BMPR1A: variants seen among roughly 807,000 people sequenced by gnomAD.
The protein encoded by BMPR1A is bone morphogenetic protein receptor type 1A.
Under a neutral mutation model 66.0 loss-of-function variants are expected in BMPR1A, and 7 were observed. The observed-to-expected ratio is 0.11, with a 90% CI of 0.06 to 0.20. The LOEUF is 0.20. Ranked by LOEUF, BMPR1A falls within the 10% of genes least tolerant of loss-of-function variation. BMPR1A has a pLI of 1.00. For missense variants in BMPR1A, 408 were observed against 669.1 expected, an observed-to-expected ratio of 0.61 and a Z score of 4.31; for synonymous variants, 200 against 229.7, an observed-to-expected ratio of 0.87 and a Z score of 1.17.
intron 7 of BMPR1A, among the ~76,000 whole-genome samples, chr10:86,903,996 T>C (rs1480744249): frequency 6.6e-6 from 1 of 152,208 alleles, no homozygotes; most frequent in East Asian, 1.9e-4. Context: ...CTCCACCTGC[T>C]GGGTTCAAGC....
intron 2 of BMPR1A, among the ~76,000 whole-genome samples, chr10:86,864,844 A>T (rs925826010): frequency 4.0e-5 from 6 of 151,528 alleles, no homozygotes; most frequent in South Asian, 2.1e-4. Context: ...TCTTCTAACA[A>T]TCCCACAATA....
chr10:86,784,980 C>T (rs926743265), intron 1 of BMPR1A, among the ~76,000 whole-genome samples: 6 of 152,056 alleles, frequency 3.9e-5, no homozygotes, highest in African/African-American at 1.4e-4. Flanking sequence ...CTATAAACTT[C>T]CCTCTTAGCA....
At chr10:86,848,608 C>G (rs1244297721) in intron 2 of BMPR1A, among the ~76,000 whole-genome samples, 1 of 152,062 alleles carries the variant, frequency 6.6e-6, no homozygotes, top group African/African-American at 2.4e-5. Context: ...ACTACCTTTT[C>G]TTCCTGCCTT....
intron 10 of BMPR1A, 101 bp from the exon 11 acceptor site, chr10:86,921,419 C>T: frequency 6.8e-7 from 1 of 1,479,106 alleles, no homozygotes; most frequent in South Asian, 1.2e-5. Flanking sequence ...TGCATCTGGC[C>T]CCAAGGAGAA....
chr10:86,859,504 T>G (rs1218342926), intron 2 of BMPR1A, among the ~76,000 whole-genome samples: 1 of 151,952 alleles, frequency 6.6e-6, no homozygotes, highest in Non-Finnish European at 1.5e-5. Context: ...TTGCCTGCAA[T>G]ATGAAGAGAT....
intron 1 of BMPR1A, among the ~76,000 whole-genome samples, chr10:86,787,726 T>G: frequency 6.6e-6 from 1 of 152,190 alleles, no homozygotes; most frequent in South Asian, 2.1e-4. Context: ...GAGGCATGGC[T>G]GGAGAGGCCT....
At chr10:86,765,989 C>CTTTTT (rs67035271) in intron 1 of BMPR1A, among the ~76,000 whole-genome samples, 4 of 131,798 alleles carry the variant, frequency 3.0e-5, no homozygotes, top group Non-Finnish European at 4.8e-5. Context: ...TTTCCTCATT[C>CTTTTT]TTTTTTTTTT....
intron 3 of BMPR1A, among the ~76,000 whole-genome samples, chr10:86,888,698 G>A (rs923902271): frequency 1.3e-5 from 2 of 151,956 alleles, no homozygotes; most frequent in Non-Finnish European, 2.9e-5. Context: ...ATGGTGGCAT[G>A]TGCCCTTGGT....
chr10:86,798,433 A>G (rs1412744730), intron 1 of BMPR1A, among the ~76,000 whole-genome samples: 1 of 152,214 alleles, frequency 6.6e-6, no homozygotes, highest in Admixed American at 6.5e-5. Context: ...AATTACTTAA[A>G]TGTTCCTTGA....
chr10:86,900,058 G>C lies in BMPR1A; in HGVS notation c.462G>C (p.Leu154=). 6.2e-7 allele frequency: 1 copy of C among 1,614,112 alleles called. No individual in the cohort carries two copies. The highest frequency in any genetic ancestry group is 1.3e-5 in the African/African-American group (1 of 75,038). Residue 154 remains leucine, a synonymous_variant, in exon 7 of 13, where the codon CTG becomes CTC. Coordinates refer to ENST00000372037, the MANE Select transcript of BMPR1A (RefSeq NM_004329.3). ...GPFFDGSIRW[L]VLLISMAVCI... ...TTTTTGATGGCAGCATTCGATGGCT[G>C]GTTTTGCTCATTTCTATGGCTGTCT...
intron 1 of BMPR1A, among the ~76,000 whole-genome samples, chr10:86,765,504 A>G (rs973204406): frequency 3.3e-5 from 5 of 151,138 alleles, no homozygotes; most frequent in African/African-American, 1.2e-4. Context: ...AAAAAAAAAA[A>G]AGAATATTCC....
chr10:86,824,701 A>C (rs1393500463), intron 1 of BMPR1A, among the ~76,000 whole-genome samples: 1 of 152,222 alleles, frequency 6.6e-6, no homozygotes, highest in Admixed American at 6.5e-5. Context: ...TGATGCACAC[A>C]TATTGGGTGG....
chr10:86,876,597 C>T (rs1842924354), intron 3 of BMPR1A, among the ~76,000 whole-genome samples: 1 of 152,116 alleles, frequency 6.6e-6, no homozygotes, highest in African/African-American at 2.4e-5. Flanking sequence ...GCCTGGGCAA[C>T]ATGGCAAAAC....
chr10:86,872,708 G>A (rs1445733235), intron 2 of BMPR1A, among the ~76,000 whole-genome samples: 1 of 151,336 alleles, frequency 6.6e-6, no homozygotes, highest in Non-Finnish European at 1.5e-5. Flanking sequence ...ATCTCATTTG[G>A]TTCTCAAAAT....
chr10:86,882,923 A>G (rs935373478), intron 3 of BMPR1A, among the ~76,000 whole-genome samples: 1 of 152,050 alleles, frequency 6.6e-6, no homozygotes, highest in Non-Finnish European at 1.5e-5. Flanking sequence ...CTGTCATGCC[A>G]CTGTACTCCA....
chr10:86,884,925 T>C (rs1040579971), intron 3 of BMPR1A, among the ~76,000 whole-genome samples: 3 of 152,164 alleles, frequency 2.0e-5, no homozygotes, highest in Non-Finnish European at 4.4e-5. Context: ...TCAACTGAAA[T>C]ACATCTAACT....
At chr10:86,825,346 T>C (rs1419278442) in intron 1 of BMPR1A, among the ~76,000 whole-genome samples, 5 of 152,188 alleles carry the variant, frequency 3.3e-5, no homozygotes, top group Non-Finnish European at 1.5e-5. Context: ...GAATTATATA[T>C]AGTATAATTG....
At chr10:86,864,252 A>G (rs185085939) in intron 2 of BMPR1A, among the ~76,000 whole-genome samples, 2 of 152,324 alleles carry the variant, frequency 1.3e-5, no homozygotes, top group South Asian at 2.1e-4. Flanking sequence ...TCAGTTTGCA[A>G]ATGGGACCGA....
intron 1 of BMPR1A, among the ~76,000 whole-genome samples, chr10:86,833,626 G>C (rs770101211): frequency 7.2e-5 from 11 of 152,116 alleles, no homozygotes; most frequent in Non-Finnish European, 1.3e-4. Context: ...TTTTGTGCTG[G>C]TGGTTGATGG....
Sources: allele counts gnomAD v4.1 joint callset (sites outside exome capture counted in the v4.1 genomes callset), GRCh38; gene constraint gnomAD v4.1.1; transcripts MANE v1.5; gene names NCBI Gene and HGNC (gene_info 2026-07-23, HGNC 2026-07-21).